The following MCU variants were observed in gnomAD, a reference collection of about 807,000 sequenced individuals.
MCU encodes calcium uniporter protein, mitochondrial.
Under a neutral mutation model 45.2 loss-of-function variants are expected in MCU, and 12 were observed. The ratio of observed to expected loss-of-function variants is 0.27; its 90% CI spans 0.17 to 0.43. The LOEUF (loss-of-function observed/expected upper bound fraction) is 0.43. Among genes scored for constraint, MCU ranks in the 20% least tolerant of loss-of-function variants. The pLI is 1.00. For synonymous variants in MCU, 160 were observed against 165.1 expected, an observed-to-expected ratio of 0.97 and a Z score of 0.24; for missense variants, 324 against 436.7, an observed-to-expected ratio of 0.74 and a Z score of 2.30.
chr10:72,846,244 T>C (rs1289820864), intron 2 of MCU, among the ~76,000 whole-genome samples: 2 of 152,168 alleles, frequency 1.3e-5, no homozygotes, highest in Non-Finnish European at 2.9e-5. Flanking sequence ...GGTTTCACCA[T>C]GTTGGCCAGG....
chr10:72,810,945 G>A (rs1844534669), intron 1 of MCU, among the ~76,000 whole-genome samples: 1 of 152,266 alleles, frequency 6.6e-6, no homozygotes, highest in South Asian at 2.1e-4. Context: ...CTTATACTGA[G>A]TATGGAGATA....
At chr10:72,833,892 G>C (rs1394186299) in intron 1 of MCU, among the ~76,000 whole-genome samples, 2 of 152,130 alleles carry the variant, frequency 1.3e-5, no homozygotes, top group African/African-American at 4.8e-5. Context: ...ATAAAGACCA[G>C]ATGCCTACTC....
chr10:72,765,855 T>G (rs1201749943), intron 1 of MCU, among the ~76,000 whole-genome samples: 1 of 151,844 alleles, frequency 6.6e-6, no homozygotes, highest in Non-Finnish European at 1.5e-5. Context: ...CTATTTTCTT[T>G]TATTTTATTT....
rs562875651 is a variant in MCU, at chr10:72,799,003, A to G, written c.151-35356A>G. ...CTGTCACTCAGGCTGGAGTGCAGTG[A>G]CCTGATCTCGGCTCCCAGGTTCAAG... On this transcript the variant is annotated intron_variant, in intron 1 of 7. Transcript: ENST00000373053. 5.1e-4 allele frequency among the ~76,000 whole-genome samples: 78 copies of G among 152,104 alleles called. No homozygotes were observed. In the East Asian group the frequency reaches 0.015, roughly 29 times the overall value.
chr10:72,716,310 G>C (rs1842954612), intron 1 of MCU, among the ~76,000 whole-genome samples: 1 of 152,164 alleles, frequency 6.6e-6, no homozygotes, highest in African/African-American at 2.4e-5. Context: ...TTTTCAAATA[G>C]GCTTCTAAAG....
chr10:72,795,930 C>T (rs901201936), intron 1 of MCU, among the ~76,000 whole-genome samples: 2 of 151,666 alleles, frequency 1.3e-5, no homozygotes, highest in Admixed American at 6.6e-5. Context: ...CCTGGGAGGC[C>T]GAGGTTGCAG....
chr10:72,770,177 A>G (rs1020951761), intron 1 of MCU, among the ~76,000 whole-genome samples: 1 of 151,844 alleles, frequency 6.6e-6, no homozygotes, highest in Non-Finnish European at 1.5e-5. Context: ...TATTATTTCA[A>G]TCCTTTTAAA....
intron 2 of MCU, among the ~76,000 whole-genome samples, chr10:72,846,095 T>G (rs1036088179): frequency 1.3e-5 from 2 of 151,898 alleles, no homozygotes; most frequent in Admixed American, 6.6e-5. Context: ...CAGGCTGGAG[T>G]GCAGTGGTGC....
At chr10:72,884,226 T>C (rs371585052) in intron 6 of MCU, 40 bp from the exon 7 acceptor site, 1 of 1,164,248 alleles carries the variant, frequency 8.6e-7, no homozygotes, top group African/African-American at 1.5e-5. Context: ...GTGAAGATAG[T>C]ATGCTAAGGA....
At chr10:72,692,904 C>G in intron 1 of MCU, 3 of 1,487,996 alleles carry the variant, frequency 2.0e-6, no homozygotes, top group Non-Finnish European at 2.7e-6. Context: ...CATGGGGAAC[C>G]GGCTCCCTCG....
At chr10:72,852,329 A>T (rs544018677) in intron 2 of MCU, among the ~76,000 whole-genome samples, 1 of 152,242 alleles carries the variant, frequency 6.6e-6, no homozygotes, top group Non-Finnish European at 1.5e-5. Flanking sequence ...TCAAATTACT[A>T]TTTTGACCTC....
intron 2 of MCU, among the ~76,000 whole-genome samples, chr10:72,839,024 C>A (rs920095809): frequency 4.0e-5 from 6 of 151,368 alleles, no homozygotes; most frequent in Non-Finnish European, 7.4e-5. Flanking sequence ...GAGTCCCGCT[C>A]CATCACCCAG....
intron 2 of MCU, among the ~76,000 whole-genome samples, chr10:72,858,916 A>G (rs1008778574): frequency 6.6e-6 from 1 of 152,164 alleles, no homozygotes; most frequent in Non-Finnish European, 1.5e-5. Context: ...TCCTTGGGAA[A>G]GCCTCTCCTT....
chr10:72,752,181 C>G (rs1394919073), intron 1 of MCU, among the ~76,000 whole-genome samples: 1 of 151,958 alleles, frequency 6.6e-6, no homozygotes, highest in Admixed American at 6.6e-5. Context: ...TGAAGTCAAC[C>G]CTTAGGAGAT....
chr10:72,760,712 C>CTTTTTTTTTTTTTTTTTT (rs1381226351), intron 1 of MCU: 2 of 116,816 alleles, frequency 1.7e-5, no homozygotes, highest in African/African-American at 3.4e-5. Context: ...TTTTTTTTTT[C>CTTTTTTTTTTTTTTTTTT]TTTCTTTTTT....
In MCU at chr10:72,875,164, T is replaced by A. The variant is rs563160642; in HGVS notation, c.861+3584T>A. On this transcript the variant is annotated intron_variant, in intron 6 of 7. Transcript: ENST00000373053. ...TTGAATCCAGATTTGTGTGGCTCTG[T>A]AGGCTGCTCACTTTCCACTCAATTA... Among the ~76,000 whole-genome samples the A allele has an allele frequency of 2.3e-3, 343 of 152,332 alleles. 2 individuals are homozygous for A. The highest frequency in any genetic ancestry group is 6.8e-3 in the Middle Eastern group (2 of 294).
intron 1 of MCU, among the ~76,000 whole-genome samples, chr10:72,765,086 TAAA>T (rs529761895): frequency 7.3e-5 from 9 of 123,472 alleles, no homozygotes; most frequent in Non-Finnish European, 8.7e-5. Context: ...CCCCATCTCT[TAAA>T]AAAAAAAAAA....
intron 1 of MCU, among the ~76,000 whole-genome samples, chr10:72,751,862 C>T (rs1445793625): frequency 6.6e-6 from 1 of 150,708 alleles, no homozygotes; most frequent in Non-Finnish European, 1.5e-5. Context: ...TTTCCTGAGA[C>T]AGAGTCTGGC....
At chr10:72,759,571 T>C (rs1843625840) in intron 1 of MCU, among the ~76,000 whole-genome samples, 1 of 152,162 alleles carries the variant, frequency 6.6e-6, no homozygotes, top group African/African-American at 2.4e-5. Context: ...GCATGAAGTT[T>C]AAATTAAGTC....
Sources: gnomAD v4.1 joint callset for allele counts (sites outside exome capture counted in the v4.1 genomes callset) on GRCh38, gnomAD v4.1.1 for gene constraint, MANE v1.5 for transcripts, NCBI Gene and HGNC (gene_info 2026-07-23, HGNC 2026-07-21) for gene names.